IL1B: variants seen among roughly 807,000 people sequenced by gnomAD.
The protein encoded by IL1B is interleukin-1 beta.
Under a neutral mutation model 26.2 loss-of-function variants are expected in IL1B, and 11 were observed. The observed-to-expected ratio is 0.42, with a 90% CI of 0.26 to 0.70. The LOEUF (loss-of-function observed/expected upper bound fraction) is 0.70, where lower values mean the gene tolerates loss of function less well. Among genes scored for constraint, IL1B ranks in the 30% least tolerant of loss-of-function variants. IL1B has a pLI of 0.25. For synonymous variants in IL1B, 118 were observed against 120.8 expected, an observed-to-expected ratio of 0.98 and a Z score of 0.15; for missense variants, 255 against 327.5, an observed-to-expected ratio of 0.78 and a Z score of 1.71.
chr2:112,834,458 G>A (rs990384762), intron 3 of IL1B, among the ~76,000 whole-genome samples: 5 of 152,224 alleles, frequency 3.3e-5, no homozygotes, highest in African/African-American at 7.2e-5. Flanking sequence ...GAGAAGCTCC[G>A]TATTAAGGCT....
rs746790289 is a variant in IL1B, at chr2:112,832,696, A to C, written c.432T>G (p.Ala144=). 9.3e-6 allele frequency: 15 copies of C among 1,613,942 alleles called. No homozygotes were observed. In the South Asian group the frequency reaches 1.5e-4, roughly 17 times the overall value. ...CCATATCCTGTCCCTGGAGGTGGAG[A>C]GCTTTCAGTTCATATGGACCAGACA... ...LVMSGPYELK[A]LHLQGQDMEQ... Residue 144 remains alanine, a synonymous_variant, in exon 5 of 7, where the codon GCT becomes GCG. Coordinates refer to ENST00000263341, the MANE Select transcript of IL1B (RefSeq NM_000576.3).
intron 3 of IL1B, 28 bp downstream of exon 3, chr2:112,835,537 TG>T (rs759974113): frequency 1.9e-6 from 3 of 1,590,630 alleles, no homozygotes; most frequent in Non-Finnish European, 2.6e-6. Context: ...AGCCCTTCCT[TG>T]GGTTGGGAGT....
chr2:112,832,792 A>T lies in IL1B; in HGVS notation c.336T>A (p.Ala112=), dbSNP rs779679002. The T allele has an allele frequency of 6.2e-7, 1 of 1,614,220 alleles. No individual in the cohort carries two copies. The highest frequency in any genetic ancestry group is 2.2e-5 in the East Asian group (1 of 44,884). Residue 112 remains alanine, a synonymous_variant, in exon 5 of 7, where the codon GCT becomes GCA. Transcript: ENST00000263341. ...PIFFDTWDNE[A]YVHDAPVRSL... is the part of the protein sequence containing the mutation. ...ATCGTACAGGTGCATCGTGCACATA[A>T]GCCTCGTTATCCCATGTGTCGAAGA...
Position 112,830,447 on chromosome 2 carries a change from G to C in IL1B, c.724C>G (p.Gln242Glu). Residue 242 changes from glutamine (Q) to glutamate (E), a missense_variant, in exon 7 of 7, where the codon CAA becomes GAA. Transcript: ENST00000263341. The stretch of plus-strand genomic sequence containing the variant: ...AGGAAGACGGGCATGTTTTCTGCTT[G>C]AGAGGTGCTGATGTACCAGTTGGGG... The part of the protein sequence containing the change: ...QFPNWYISTS[Q>E]AENMPVFLGG... The C allele has an allele frequency of 1.2e-6, 2 of 1,614,076 alleles. No homozygotes were observed. Among genetic ancestry groups the C allele is most frequent in the Non-Finnish European group, 1.7e-6 (2 of 1,179,996 alleles).
chr2:112,835,645 A>G, intron 2 of IL1B, 28 bp from the exon 3 acceptor site: 1 of 1,591,164 alleles, frequency 6.3e-7, no homozygotes, highest in South Asian at 1.1e-5. Flanking sequence ...ACATGTCTCA[A>G]TTATGTCTTC....
At chr2:112,833,294 G>T in intron 4 of IL1B, 80 bp downstream of exon 4, 1 of 1,360,186 alleles carries the variant, frequency 7.4e-7, no homozygotes, top group African/African-American at 1.4e-5. Flanking sequence ...CTTTGGCTCT[G>T]GGGGAATTGA....
intron 3 of IL1B, among the ~76,000 whole-genome samples, chr2:112,833,946 T>C (rs1320565883): frequency 3.9e-5 from 6 of 152,008 alleles, no homozygotes; most frequent in Non-Finnish European, 7.4e-5. Flanking sequence ...TAAGCCAAGA[T>C]TGTACCACTG....
At chr2:112,831,022 A>G (rs1573276428) in intron 6 of IL1B, 2 of 456,542 alleles carry the variant, frequency 4.4e-6, no homozygotes, top group Admixed American at 6.7e-5. Context: ...GGTGTCTATC[A>G]AATGAGAGCA....
chr2:112,831,381 C>A lies in IL1B; in HGVS notation c.508G>T (p.Asp170Tyr). The A allele has an allele frequency of 1.2e-6, 2 of 1,613,980 alleles. No individual in the cohort carries two copies. Among genetic ancestry groups the A allele is most frequent in the Non-Finnish European group, 1.7e-6 (2 of 1,179,948 alleles). ...AGGCCCAAGGCCACAGGTATTTTGTCATTACTTTCTTCTCCTTGTACAAAG... is the reference window on the plus strand; with the variant it reads ...AGGCCCAAGGCCACAGGTATTTTGTAATTACTTTCTTCTCCTTGTACAAAG... The part of the protein sequence containing the change: ...MSFVQGEESN[D>Y]KIPVALGLKE... Residue 170 changes from aspartate (D) to tyrosine (Y), a missense_variant, in exon 6 of 7, where the codon GAC becomes TAC. Transcript: ENST00000263341.
intron 3 of IL1B, among the ~76,000 whole-genome samples, chr2:112,834,084 C>T (rs1682043450): frequency 6.6e-6 from 1 of 152,178 alleles, no homozygotes. Flanking sequence ...TAAGTGTGTA[C>T]TCAAGGGCAC....
intron 1 of IL1B, chr2:112,836,503 C>A: frequency 2.4e-6 from 1 of 414,040 alleles, no homozygotes. Flanking sequence ...TAAGCAGTAT[C>A]CATTCCCAGA....
chr2:112,830,843 T>C (rs1009886622), intron 6 of IL1B, among the ~76,000 whole-genome samples: 10 of 152,110 alleles, frequency 6.6e-5, no homozygotes, highest in African/African-American at 2.4e-4. Flanking sequence ...TAGAGCTTCT[T>C]GAAGTACCTA....
Position 112,836,705 on chromosome 2 carries a change from T to G in IL1B, c.-16+3A>C. 1 of 169,156 alleles carries G rather than the reference T, an allele frequency of 5.9e-6. No individual in the cohort carries two copies. Among genetic ancestry groups the G allele is most frequent in the Non-Finnish European group, 1.3e-5 (1 of 76,926 alleles). 10.5% of individuals were successfully genotyped at this position (169,156 alleles called of 1,614,324 possible). The stretch of plus-strand genomic sequence containing the variant: ...CTAGTTGTAAGGAAGATTAAAGTCA[T>G]ACTTGAGCAATGAAGATTGGCTGAA... On this transcript the variant is annotated splice_donor_region_variant and intron_variant, in intron 1 of 6. Transcript: ENST00000263341.
rs1681953854 is a variant in IL1B, at chr2:112,830,198, A to C, written c.*163T>G. ...GAGCTGACTGTCCTGGCTGATGGAC[A>C]GGAGATCCTCTTAGCACTACCCTAA... On this transcript the variant is annotated 3_prime_UTR_variant, in exon 7 of 7. Transcript: ENST00000263341. 1 of 638,574 alleles carries C rather than the reference A, an allele frequency of 1.6e-6. No individual in the cohort carries two copies. The highest frequency in any genetic ancestry group is 2.8e-6 in the Non-Finnish European group (1 of 355,330). 39.6% of individuals were successfully genotyped at this position (638,574 alleles called of 1,614,324 possible).
intron 4 of IL1B, 49 bp from the exon 5 acceptor site, chr2:112,832,875 C>T (rs779375099): frequency 6.9e-6 from 11 of 1,605,622 alleles, no homozygotes; most frequent in Non-Finnish European, 9.4e-6. Flanking sequence ...GAAGGGCAGG[C>T]CTCGTGAGGC....
chr2:112,832,883 G>A (rs2104935601), intron 4 of IL1B, 57 bp from the exon 5 acceptor site: 1 of 1,583,596 alleles, frequency 6.3e-7, no homozygotes, highest in Non-Finnish European at 8.7e-7. Flanking sequence ...GGCCTCGTGA[G>A]GCGAGGCGGC....
At chr2:112,836,155 T>G in intron 2 of IL1B, 28 bp downstream of exon 2, 1 of 1,607,224 alleles carries the variant, frequency 6.2e-7, no homozygotes, top group Non-Finnish European at 8.5e-7. Flanking sequence ...GACCTGCTCA[T>G]GTTACTGGTC....
chr2:112,836,147 C>G (rs1398977202), intron 2 of IL1B, 36 bp downstream of exon 2: 1 of 1,603,662 alleles, frequency 6.2e-7, no homozygotes, highest in South Asian at 1.1e-5. Flanking sequence ...AAAGAGGAGA[C>G]CTGCTCATGT....
Position 112,830,683 on chromosome 2 carries a change from C to T in IL1B, c.598-110G>A, listed in dbSNP as rs575679935. 6.4e-6 allele frequency: 5 copies of T among 777,944 alleles called. No homozygotes were observed. In the Admixed American group the frequency reaches 9.5e-5, roughly 15 times the overall value. The allele number at this position is 777,944 out of a possible 1,614,324, so 48.2% of individuals were successfully genotyped here. ...GAAACTGACGAGCAGGTCACATGATCAGGAGCCAGACTCCTGAGTTGTAAC... is the reference window on the plus strand; with the variant it reads ...GAAACTGACGAGCAGGTCACATGATTAGGAGCCAGACTCCTGAGTTGTAAC... On this transcript the variant is annotated intron_variant, in intron 6 of 6. Transcript: ENST00000263341.
Sources: allele counts gnomAD v4.1 joint callset (sites outside exome capture counted in the v4.1 genomes callset), GRCh38; gene constraint gnomAD v4.1.1; transcripts MANE v1.5; gene names NCBI Gene and HGNC (gene_info 2026-07-23, HGNC 2026-07-21).